Variants in PRKAR1B observed in about 807,000 individuals in gnomAD.
PRKAR1B encodes protein kinase cAMP-dependent type I regulatory subunit beta.
A neutral mutation model predicts 46.5 loss-of-function variants in PRKAR1B; 22 were observed. The ratio of observed to expected loss-of-function variants is 0.47; its 90% CI spans 0.34 to 0.68. The LOEUF is 0.68. PRKAR1B is among the 30% of genes least tolerant of loss of function. PRKAR1B has a pLI of 0.01. For synonymous variants in PRKAR1B, 259 were observed against 217.7 expected, an observed-to-expected ratio of 1.19 and a Z score of -1.67; for missense variants, 445 against 535.6, an observed-to-expected ratio of 0.83 and a Z score of 1.67.
chr7:709,159 A>G (rs948726731), intron 2 of PRKAR1B, among the ~76,000 whole-genome samples: 1 of 149,202 alleles, frequency 6.7e-6, no homozygotes, highest in Non-Finnish European at 1.5e-5. Flanking sequence ...TTGTCCATTC[A>G]CTCACGGAGG....
intron 9 of PRKAR1B, among the ~76,000 whole-genome samples, chr7:558,348 G>GGAAGGAGGA (rs1287509515): frequency 7.7e-6 from 1 of 129,482 alleles, no homozygotes; most frequent in South Asian, 2.4e-4. Context: ...AAAAAAAAAA[G>GGAAGGAGGA]GAAGGAGGAG....
At chr7:594,021 C>A (rs1458554311) in intron 7 of PRKAR1B, among the ~76,000 whole-genome samples, 1 of 152,106 alleles carries the variant, frequency 6.6e-6, no homozygotes, top group Non-Finnish European at 1.5e-5. Flanking sequence ...GCCATCAAAT[C>A]CTTGTTCCCC....
At chr7:728,422 T>C (rs769026055), upstream of PRKAR1B, among the ~76,000 whole-genome samples, 4 of 152,116 alleles carry the variant, frequency 2.6e-5, no homozygotes, top group Non-Finnish European at 4.4e-5. Flanking sequence ...TTCAGGTTGT[T>C]AAAAGATCAC....
At chr7:563,863 T>C (rs1455097394) in intron 9 of PRKAR1B, among the ~76,000 whole-genome samples, 2 of 151,448 alleles carry the variant, frequency 1.3e-5, no homozygotes, top group Admixed American at 1.3e-4. Context: ...GGGTTGTGGG[T>C]GTGCATGGGT....
At chr7:551,804 C>A (rs1784228173) in intron 9 of PRKAR1B, among the ~76,000 whole-genome samples, 1 of 144,072 alleles carries the variant, frequency 6.9e-6, no homozygotes, top group African/African-American at 2.6e-5. Context: ...ACCATGTCAC[C>A]ACCCAAACCC....
intron 10 of PRKAR1B, among the ~76,000 whole-genome samples, chr7:551,103 T>A (rs1784158225): frequency 2.0e-5 from 3 of 151,986 alleles, no homozygotes; most frequent in South Asian, 2.1e-4. Flanking sequence ...ATGGCTACAC[T>A]GTGCCCCCTC....
chr7:653,463 C>A (rs774193761), intron 4 of PRKAR1B, among the ~76,000 whole-genome samples: 6 of 152,174 alleles, frequency 3.9e-5, no homozygotes, highest in Non-Finnish European at 7.3e-5. Flanking sequence ...TTCCCAGAAG[C>A]CTTTAGTAAA....
At chr7:579,420 C>T in intron 8 of PRKAR1B, 43 bp from the exon 9 acceptor site, 1 of 1,607,002 alleles carries the variant, frequency 6.2e-7, no homozygotes, top group African/African-American at 1.3e-5. Flanking sequence ...GGGCCCACGC[C>T]CCCACAGCCA....
intron 4 of PRKAR1B, among the ~76,000 whole-genome samples, chr7:633,093 G>A (rs1042775488): frequency 9.2e-5 from 14 of 152,224 alleles, no homozygotes; most frequent in Admixed American, 2.6e-4. Context: ...CCACTGCTCC[G>A]ACTCTGGAAT....
In PRKAR1B at chr7:560,462, G is replaced by A. The variant is rs1320703607; in HGVS notation, c.892-8992C>T. ...GCTATCACTTTCCATAAATTAAAAA[G>A]TAACTAAAAGATTAAGCACAGCTGG... is the stretch of plus-strand genomic sequence containing the variant. On this transcript the variant is annotated intron_variant, in intron 9 of 10. Coordinates refer to ENST00000537384, the MANE Select transcript of PRKAR1B (RefSeq NM_001164760.2). The surrounding 1 kb of genome is among the most constrained non-coding windows in gnomAD (Gnocchi z 4.2). Among the ~76,000 whole-genome samples, 1 of 152,000 alleles carries A rather than the reference G, an allele frequency of 6.6e-6. No homozygotes were observed. The highest frequency in any genetic ancestry group is 1.5e-5 in the Non-Finnish European group (1 of 68,000).
intron 2 of PRKAR1B, among the ~76,000 whole-genome samples, chr7:710,167 C>A (rs999327298): frequency 6.6e-6 from 1 of 152,186 alleles, no homozygotes; most frequent in African/African-American, 2.4e-5. Context: ...AGCATAAACA[C>A]CGCCGGATGG....
intron 2 of PRKAR1B, among the ~76,000 whole-genome samples, chr7:700,170 A>G (rs1779984219): frequency 6.6e-6 from 1 of 152,178 alleles, no homozygotes; most frequent in Non-Finnish European, 1.5e-5. Flanking sequence ...AGAACCACAG[A>G]AAAGGTGCTG....
At chr7:669,847 T>C (rs1297225511) in intron 4 of PRKAR1B, among the ~76,000 whole-genome samples, 1 of 150,116 alleles carries the variant, frequency 6.7e-6, no homozygotes, top group Non-Finnish European at 1.5e-5. Context: ...AGAAGGCTGG[T>C]GGGCAGGTCC....
At chr7:705,353 A>C (rs1780271955) in intron 2 of PRKAR1B, among the ~76,000 whole-genome samples, 1 of 151,662 alleles carries the variant, frequency 6.6e-6, no homozygotes, top group African/African-American at 2.4e-5. Context: ...TTTAGGTGCC[A>C]CCATATACCT....
chr7:573,728 G>A, intron 9 of PRKAR1B, among the ~76,000 whole-genome samples: 1 of 152,358 alleles, frequency 6.6e-6, no homozygotes, highest in Non-Finnish European at 1.5e-5. Flanking sequence ...AGTGGACAGA[G>A]GGTCAGAAAG....
At chr7:705,653 G>A (rs959944815) in intron 2 of PRKAR1B, among the ~76,000 whole-genome samples, 4 of 152,136 alleles carry the variant, frequency 2.6e-5, no homozygotes, top group Admixed American at 6.5e-5. Context: ...TCCTAGACAG[G>A]GTACAGGACA....
Position 550,225 on chromosome 7 carries a change from T to G in PRKAR1B, c.*205A>C. On this transcript the variant is annotated 3_prime_UTR_variant, in exon 11 of 11. Coordinates refer to ENST00000537384, the MANE Select transcript of PRKAR1B (RefSeq NM_001164760.2). ...TCCCTTCCTTGATCTTGGGATGCAT[T>G]TTGTCCGCTTGTCCTTTGATTTGGA... The G allele has an allele frequency of 1.7e-6, 1 of 576,250 alleles. No individual in the cohort carries two copies. 35.7% of individuals were successfully genotyped at this position (576,250 alleles called of 1,614,324 possible).
At chr7:704,604 C>T (rs1428504046) in intron 2 of PRKAR1B, among the ~76,000 whole-genome samples, 1 of 151,844 alleles carries the variant, frequency 6.6e-6, no homozygotes, top group African/African-American at 2.4e-5. Flanking sequence ...GGTGAAATCC[C>T]GTCCCCACCA....
chr7:658,711 T>C (rs1186241665), intron 4 of PRKAR1B, among the ~76,000 whole-genome samples: 2 of 152,112 alleles, frequency 1.3e-5, no homozygotes, highest in East Asian at 1.9e-4. Flanking sequence ...AGTGCAGTGG[T>C]GCATTCTCAG....
Sources: gnomAD v4.1 joint callset for allele counts (sites outside exome capture counted in the v4.1 genomes callset) on GRCh38, gnomAD v4.1.1 for gene constraint, Gnocchi (gnomAD v3.1) non-coding constraint, MANE v1.5 for transcripts, NCBI Gene and HGNC (gene_info 2026-07-23, HGNC 2026-07-21) for gene names.